The following KLHL12 variants were observed in gnomAD, a reference collection of about 807,000 sequenced individuals.
The protein encoded by KLHL12 is kelch-like protein 12.
Under a neutral mutation model 60.8 loss-of-function variants are expected in KLHL12, and 17 were observed. That is an observed-to-expected ratio of 0.28 (90% CI 0.19 to 0.42). The LOEUF (loss-of-function observed/expected upper bound fraction) is 0.42. KLHL12 is among the 10% of genes least tolerant of loss of function. The pLI is 1.00. For synonymous variants in KLHL12, 220 were observed against 250.9 expected, an observed-to-expected ratio of 0.88 and a Z score of 1.16; for missense variants, 468 against 722.3, an observed-to-expected ratio of 0.65 and a Z score of 4.04.
chr1:202,904,415 C>T (rs1660120809), intron 6 of KLHL12, among the ~76,000 whole-genome samples: 1 of 151,976 alleles, frequency 6.6e-6, no homozygotes, highest in South Asian at 2.1e-4. Context: ...GTCATTTCTT[C>T]CACTATTTTG....
At chr1:202,894,312 T>C (rs374574961) in intron 9 of KLHL12, 30 bp from the exon 10 acceptor site, 100 of 1,431,322 alleles carry the variant, frequency 7.0e-5, no homozygotes, top group Non-Finnish European at 9.3e-5. Flanking sequence ...CCAGAAAGAG[T>C]GGTAAATCCT....
At chr1:202,903,629 C>CTTTTCTTTTTTTT (rs1473582493) in intron 6 of KLHL12, among the ~76,000 whole-genome samples, 9 of 76,086 alleles carry the variant, frequency 1.2e-4, no homozygotes, top group African/African-American at 4.0e-4. Context: ...TTTTTCTTTT[C>CTTTTCTTTTTTTT]TTTTTTTTTT....
intron 6 of KLHL12, among the ~76,000 whole-genome samples, chr1:202,898,169 G>T (rs1281736669): frequency 6.6e-6 from 1 of 152,138 alleles, no homozygotes; most frequent in Non-Finnish European, 1.5e-5. Context: ...CTCCCAAGTA[G>T]CTGGGATTAC....
intron 4 of KLHL12, 48 bp downstream of exon 4, chr1:202,918,122 TG>T (rs762792577): frequency 1.4e-6 from 2 of 1,392,472 alleles, no homozygotes; most frequent in Admixed American, 3.6e-5. Context: ...TTGCAAGTTT[TG>T]TAATTGCCCA....
chr1:202,896,103 T>G (rs1659823797), intron 7 of KLHL12, among the ~76,000 whole-genome samples: 1 of 152,156 alleles, frequency 6.6e-6, no homozygotes, highest in Non-Finnish European at 1.5e-5. Flanking sequence ...ATAAGAACCT[T>G]AAAAGGTAGG....
intron 4 of KLHL12, chr1:202,912,588 G>T: frequency 7.8e-7 from 1 of 1,277,570 alleles, no homozygotes; most frequent in Non-Finnish European, 1.1e-6. Flanking sequence ...TCAAATTTTG[G>T]ACCCATGAAG....
chr1:202,922,144 T>TA (rs1285312812), intron 2 of KLHL12, among the ~76,000 whole-genome samples: 3 of 152,240 alleles, frequency 2.0e-5, no homozygotes, highest in African/African-American at 7.2e-5. Flanking sequence ...TGTAAGAACT[T>TA]AGAGCAATTA....
chr1:202,901,683 A>G (rs901471483), intron 6 of KLHL12, among the ~76,000 whole-genome samples: 3 of 152,036 alleles, frequency 2.0e-5, no homozygotes, highest in African/African-American at 7.2e-5. Flanking sequence ...GACTCTCTTC[A>G]TTATTTTTCC....
chr1:202,911,433 C>T (rs1041355457), intron 4 of KLHL12, among the ~76,000 whole-genome samples: 1 of 133,096 alleles, frequency 7.5e-6, no homozygotes, highest in East Asian at 2.0e-4. Context: ...TATATATATA[C>T]ACACACACAT....
At position 202,893,012 on chromosome 1, in the gene KLHL12, C is replaced by A. The variant is rs1659723972; in HGVS notation, c.1580+227G>T. 6.6e-6 allele frequency among the ~76,000 whole-genome samples: 1 copy of A among 151,980 alleles called. No individual in the cohort carries two copies. The highest frequency in any genetic ancestry group is 6.6e-5 in the Admixed American group (1 of 15,236). On this transcript the variant is annotated intron_variant, in intron 11 of 11. Coordinates refer to ENST00000367261, the MANE Select transcript of KLHL12 (RefSeq NM_021633.4). The surrounding 1 kb of genome is among the most constrained non-coding windows in gnomAD (Gnocchi z 4.1). ...GGCAACATAAAAAACTAGTCTGGCA[C>A]AGTGGCGTGCACCTGTGGTCCCAGC...
At chr1:202,911,516 T>C (rs1398685262) in intron 4 of KLHL12, among the ~76,000 whole-genome samples, 5 of 152,088 alleles carry the variant, frequency 3.3e-5, no homozygotes, top group African/African-American at 1.2e-4. Context: ...CAGTCACGTA[T>C]TGGCCTTCGT....
chr1:202,908,367 T>C (rs2102430105), intron 6 of KLHL12, among the ~76,000 whole-genome samples: 1 of 152,346 alleles, frequency 6.6e-6, no homozygotes, highest in African/African-American at 2.4e-5. Flanking sequence ...TACACATAGT[T>C]ATTATGTGCC....
chr1:202,899,944 G>A (rs540364043), intron 6 of KLHL12, among the ~76,000 whole-genome samples: 9 of 152,158 alleles, frequency 5.9e-5, no homozygotes, highest in African/African-American at 2.2e-4. Flanking sequence ...GGAGAAGCTA[G>A]GACCACAAGT....
rs751815195 is a variant in KLHL12, at chr1:202,918,246, T to C, written c.492A>G (p.Glu164=). The C allele has an allele frequency of 1.2e-6, 2 of 1,614,174 alleles. No individual in the cohort carries two copies. The highest frequency in any genetic ancestry group is 2.2e-5 in the South Asian group (2 of 91,082). The change falls in exon 4 of 12, where the codon GAA becomes GAG. Residue 164 remains glutamate, a synonymous_variant. Transcript: ENST00000367261. The part of the protein sequence containing the change: ...AEVFSQKHFP[E]VVQHEEFILL... ...GAATGAACTCTTCATGCTGTACCAC[T>C]TCAGGAAAATGCTTCTGGCTAAAAA...
chr1:202,925,264 T>C (rs1653474020), intron 1 of KLHL12, 57 bp from the exon 2 acceptor site: 16 of 1,529,434 alleles, frequency 1.0e-5, no homozygotes, highest in South Asian at 7.7e-5. Flanking sequence ...CAACTGAACA[T>C]ATTTAATTAG....
Position 202,911,018 on chromosome 1 carries a change from C to T in KLHL12, c.717+36G>A, listed in dbSNP as rs200644118. ...ACATAACACTAAGGTAAGAGTCCGTCAAGGTTTTGGATCCTGAGAGTGTTG... is the reference window on the plus strand; with the variant it reads ...ACATAACACTAAGGTAAGAGTCCGTTAAGGTTTTGGATCCTGAGAGTGTTG... On this transcript the variant is annotated intron_variant, in intron 5 of 11. Transcript: ENST00000367261. The T allele has an allele frequency of 3.0e-5, 49 of 1,609,006 alleles. No homozygotes were observed. In the African/African-American group the frequency reaches 5.6e-4, roughly 18 times the overall value.
At position 202,895,882 on chromosome 1, in the gene KLHL12, C is replaced by T. The variant is rs1199441719; in HGVS notation, c.940-165G>A. Among the ~76,000 whole-genome samples the T allele has an allele frequency of 6.6e-6, 1 of 151,680 alleles. No individual in the cohort carries two copies. The highest frequency in any genetic ancestry group is 2.4e-5 in the African/African-American group (1 of 40,970). ...CCTCAAGTGGCTCCCAAATAGCTAC[C>T]TACTGAACGAAATGCCTGTTGTGGT... On this transcript the variant is annotated intron_variant, in intron 7 of 11. Transcript: ENST00000367261. This position sits in a 1 kb window ranked among gnomAD's most constrained non-coding sequence, Gnocchi z 4.2.
intron 11 of KLHL12, 114 bp from the exon 12 acceptor site, chr1:202,892,773 G>A (rs1659717266): frequency 9.0e-7 from 1 of 1,107,258 alleles, no homozygotes. Context: ...GCCCAGGAGG[G>A]AATTTGAGAC....
intron 6 of KLHL12, among the ~76,000 whole-genome samples, chr1:202,903,460 G>GT (rs11404714): frequency 0.77 from 101,955 of 132,264 alleles, 40,422 homozygotes; most frequent in East Asian, 0.89. Flanking sequence ...ATGCATTCTT[G>GT]TTTTTTTTTT....
Sources: allele counts gnomAD v4.1 joint callset (sites outside exome capture counted in the v4.1 genomes callset), GRCh38; gene constraint gnomAD v4.1.1; non-coding constraint Gnocchi (gnomAD v3.1); transcripts MANE v1.5; gene names NCBI Gene and HGNC (gene_info 2026-07-23, HGNC 2026-07-21).